ST7: variants seen among roughly 807,000 people sequenced by gnomAD.
ST7 encodes suppression of tumorigenicity 7.
A neutral mutation model predicts 78.7 loss-of-function variants in ST7; 28 were observed. The ratio of observed to expected loss-of-function variants is 0.36; its 90% CI spans 0.26 to 0.49. ST7 has a LOEUF of 0.49. Among genes scored for constraint, ST7 ranks in the 20% least tolerant of loss-of-function variants. The probability of loss-of-function intolerance (pLI) is 0.99; values close to 1 mark genes in which losing one functional copy is unlikely to be tolerated. For synonymous variants in ST7, 247 were observed against 249.6 expected, an observed-to-expected ratio of 0.99 and a Z score of 0.10; for missense variants, 418 against 696.0, an observed-to-expected ratio of 0.60 and a Z score of 4.49.
intron 1 of ST7, among the ~76,000 whole-genome samples, chr7:117,080,637 C>G (rs1799700781): frequency 6.6e-6 from 1 of 152,124 alleles, no homozygotes; most frequent in South Asian, 2.1e-4. Flanking sequence ...GCTCAATTCA[C>G]ATGTATGAAC....
chr7:117,034,024 C>T (rs1353674313), intron 1 of ST7, among the ~76,000 whole-genome samples: 1 of 152,112 alleles, frequency 6.6e-6, no homozygotes, highest in Non-Finnish European at 1.5e-5. Flanking sequence ...TCATTGCAGC[C>T]TCAACCTCTG....
chr7:117,168,894 TTC>T (rs1447150737), intron 9 of ST7, among the ~76,000 whole-genome samples: 1 of 152,212 alleles, frequency 6.6e-6, no homozygotes, highest in Non-Finnish European at 1.5e-5. Flanking sequence ...TTGGTATTAT[TTC>T]TCTCAGCATA....
chr7:117,194,237 G>A (rs1417019332), intron 12 of ST7, among the ~76,000 whole-genome samples: 6 of 152,172 alleles, frequency 3.9e-5, no homozygotes, highest in Admixed American at 1.3e-4. Flanking sequence ...TAGCTGTGCC[G>A]CCAGCTCCCA....
intron 6 of ST7, among the ~76,000 whole-genome samples, chr7:117,132,662 T>C (rs560070427): frequency 6.6e-6 from 1 of 151,774 alleles, no homozygotes; most frequent in Admixed American, 6.6e-5. Flanking sequence ...TACAGAATCT[T>C]CTTCAGAGAT....
chr7:117,201,961 CTT>C (rs1278924099), intron 12 of ST7, among the ~76,000 whole-genome samples: 3 of 70,944 alleles, frequency 4.2e-5, no homozygotes, highest in Non-Finnish European at 5.5e-5. Flanking sequence ...TCGAAGCTAT[CTT>C]TTTTTTTTTT....
intron 12 of ST7, among the ~76,000 whole-genome samples, chr7:117,194,822 G>A (rs904448186): frequency 3.3e-5 from 5 of 152,150 alleles, no homozygotes; most frequent in Admixed American, 2.6e-4. Flanking sequence ...GGGTGGGCAT[G>A]GGGGAGACAT....
rs1247439483 is a variant in ST7 at position 117,031,888 on chromosome 7, T to A, written c.152-67874T>A. ...TATCTATCTATATATATATATTTTTTTTTTTTTTTTGGCAATGGAGTCTTG... is the reference window on the plus strand; with the variant it reads ...TATCTATCTATATATATATATTTTTATTTTTTTTTTGGCAATGGAGTCTTG... On this transcript the variant is annotated intron_variant, in intron 1 of 15. Transcript: ENST00000323984. Among the ~76,000 whole-genome samples, 387 of 146,154 alleles carry A rather than the reference T, an allele frequency of 2.6e-3. 8 individuals carry two copies. Among genetic ancestry groups the A allele is most frequent in the South Asian group, 5.4e-3 (25 of 4,666 alleles).
At chr7:117,207,716 A>G (rs1463622594) in intron 12 of ST7, among the ~76,000 whole-genome samples, 1 of 152,220 alleles carries the variant, frequency 6.6e-6, no homozygotes, top group East Asian at 1.9e-4. Flanking sequence ...CAAATTTTAT[A>G]AACATGATCC....
intron 12 of ST7, among the ~76,000 whole-genome samples, chr7:117,208,381 A>ACGAC (rs772875422): frequency 1.2e-4 from 19 of 152,100 alleles, no homozygotes; most frequent in Non-Finnish European, 2.2e-4. Flanking sequence ...CCCAAGTGTG[A>ACGAC]CGACCGTTAT....
At chr7:117,093,745 C>T (rs1479884881) in intron 1 of ST7, among the ~76,000 whole-genome samples, 1 of 152,060 alleles carries the variant, frequency 6.6e-6, no homozygotes, top group Non-Finnish European at 1.5e-5. Flanking sequence ...GAAAAACAGC[C>T]GTCATAATAC....
At chr7:117,038,057 T>C (rs1796992567) in intron 1 of ST7, among the ~76,000 whole-genome samples, 1 of 152,228 alleles carries the variant, frequency 6.6e-6, no homozygotes, top group East Asian at 1.9e-4. Flanking sequence ...TGATAACTTT[T>C]TAAAGAATAA....
chr7:117,164,220 G>T (rs1231176824), intron 9 of ST7, among the ~76,000 whole-genome samples: 2 of 152,108 alleles, frequency 1.3e-5, no homozygotes, highest in Non-Finnish European at 2.9e-5. Flanking sequence ...TTTGACAAAG[G>T]TGCCAAGAAC....
chr7:117,048,319 A>C (rs1303576394), intron 1 of ST7, among the ~76,000 whole-genome samples: 1 of 152,208 alleles, frequency 6.6e-6, no homozygotes, highest in Non-Finnish European at 1.5e-5. Context: ...TTATCTAAAA[A>C]TATTTGTATA....
chr7:117,166,044 C>T (rs1209125398), intron 9 of ST7, among the ~76,000 whole-genome samples: 2 of 151,856 alleles, frequency 1.3e-5, no homozygotes, highest in African/African-American at 4.8e-5. Context: ...TGGCTGTCCC[C>T]CTCCCCAGTT....
At chr7:116,991,803 C>T (rs890356282) in intron 1 of ST7, among the ~76,000 whole-genome samples, 5 of 152,176 alleles carry the variant, frequency 3.3e-5, no homozygotes, top group Admixed American at 3.3e-4. Flanking sequence ...CAAGGCAAAT[C>T]CCTTCTGCCT....
chr7:117,205,044 G>C (rs530312810), intron 12 of ST7, among the ~76,000 whole-genome samples: 2 of 152,264 alleles, frequency 1.3e-5, no homozygotes, highest in East Asian at 3.9e-4. Flanking sequence ...CTCCAGCCTG[G>C]ACAACAGAGT....
At chr7:117,139,285 T>C (rs1421736498) in intron 9 of ST7, among the ~76,000 whole-genome samples, 1 of 152,220 alleles carries the variant, frequency 6.6e-6, no homozygotes, top group African/African-American at 2.4e-5. Context: ...TATTTTCTTT[T>C]TAAAAACAAT....
At chr7:116,972,560 T>A (rs1243339403) in intron 1 of ST7, 15 of 1,387,692 alleles carry the variant, frequency 1.1e-5, no homozygotes, top group Non-Finnish European at 1.4e-5. Flanking sequence ...TCTTCTGCAA[T>A]GTGCTTAGCT....
At chr7:117,088,992 G>A (rs557908787) in intron 1 of ST7, among the ~76,000 whole-genome samples, 1 of 152,270 alleles carries the variant, frequency 6.6e-6, no homozygotes, top group East Asian at 1.9e-4. Context: ...TAATTACCAA[G>A]GGAAGGCCTT....
Sources: gnomAD v4.1 joint callset for allele counts (sites outside exome capture counted in the v4.1 genomes callset) on GRCh38, gnomAD v4.1.1 for gene constraint, MANE v1.5 for transcripts, NCBI Gene and HGNC (gene_info 2026-07-23, HGNC 2026-07-21) for gene names.